The following IL1RAPL1 variants were observed in gnomAD, a reference collection of about 807,000 sequenced individuals.
The protein encoded by IL1RAPL1 is interleukin 1 receptor accessory protein like 1.
IL1RAPL1 carries 3 observed loss-of-function variants against 48.4 expected under a neutral mutation model. That is an observed-to-expected ratio of 0.06 (90% CI 0.03 to 0.16). The LOEUF (loss-of-function observed/expected upper bound fraction) is 0.16, where lower values mean the gene tolerates loss of function less well. IL1RAPL1 is among the 10% of genes least tolerant of loss of function. IL1RAPL1 has a pLI of 1.00. For missense variants in IL1RAPL1, 349 were observed against 530.6 expected (o/e 0.66, Z 3.36); for synonymous variants, 185 against 187.7 (o/e 0.99, Z 0.12).
intron 2 of IL1RAPL1, among the ~76,000 whole-genome samples, chrX:28,922,519 G>T (rs1031538531): frequency 9.0e-6 from 1 of 111,590 alleles, no homozygotes; most frequent in Non-Finnish European, 1.9e-5. Context: ...AAATCCTATG[G>T]TTTTTGACAG....
intron 1 of IL1RAPL1, among the ~76,000 whole-genome samples, chrX:28,726,684 CTT>C (rs1402633709): frequency 8.9e-6 from 1 of 112,089 alleles, no homozygotes; most frequent in African/African-American, 3.2e-5. Flanking sequence ...TATTAATTGA[CTT>C]ATATCATCCT....
At chrX:28,988,140 T>G (rs1358258846) in intron 2 of IL1RAPL1, among the ~76,000 whole-genome samples, 1 of 51,921 alleles carries the variant, frequency 1.9e-5, no homozygotes, top group Non-Finnish European at 3.9e-5. Flanking sequence ...ATGGGCTTGC[T>G]TTTTTTTTAA....
intron 1 of IL1RAPL1, among the ~76,000 whole-genome samples, chrX:28,739,387 T>C (rs1265161427): frequency 8.9e-6 from 1 of 111,851 alleles, no homozygotes; most frequent in Non-Finnish European, 1.9e-5. Flanking sequence ...GGCAGTGATC[T>C]CGCTGTCTTT....
At chrX:28,613,757 G>C (rs1934181163) in intron 1 of IL1RAPL1, among the ~76,000 whole-genome samples, 1 of 112,130 alleles carries the variant, frequency 8.9e-6, no homozygotes, top group Admixed American at 9.5e-5. Flanking sequence ...CCACGGGACA[G>C]AAGGCAGTTT....
At chrX:29,489,151 A>C (rs1602260183) in intron 5 of IL1RAPL1, among the ~76,000 whole-genome samples, 2 of 111,626 alleles carry the variant, frequency 1.8e-5, no homozygotes, top group South Asian at 3.8e-4. Flanking sequence ...TTGAGAACAC[A>C]GTGTATGTGA....
chrX:29,621,289 T>C (rs780916223), intron 5 of IL1RAPL1, among the ~76,000 whole-genome samples: 66 of 111,417 alleles, frequency 5.9e-4, no homozygotes, highest in African/African-American at 2.0e-3. Context: ...TACATGTGTA[T>C]ATATTTATAT....
intron 6 of IL1RAPL1, among the ~76,000 whole-genome samples, chrX:29,846,558 C>T (rs1169479806): frequency 9.1e-6 from 1 of 110,068 alleles, no homozygotes; most frequent in African/African-American, 3.3e-5. Context: ...AAATGAAGGG[C>T]TACTTTTTAA....
chrX:29,940,946 T>TAC (rs200126034), intron 8 of IL1RAPL1, among the ~76,000 whole-genome samples: 4,097 of 112,067 alleles, frequency 0.037, 66 homozygotes, highest in Non-Finnish European at 0.053. Flanking sequence ...GCCTACTTCT[T>TAC]ACACCCAAAA....
chrX:29,917,254 C>CA (rs923499215), intron 6 of IL1RAPL1, among the ~76,000 whole-genome samples: 9 of 112,385 alleles, frequency 8.0e-5, no homozygotes, highest in African/African-American at 2.9e-4. Context: ...GGAAATTTTA[C>CA]AAGTAACTCA....
At chrX:29,333,272 G>A (rs1282331358) in intron 3 of IL1RAPL1, among the ~76,000 whole-genome samples, 1 of 109,079 alleles carries the variant, frequency 9.2e-6, no homozygotes, top group Non-Finnish European at 1.9e-5. Flanking sequence ...CTGGCCGGGC[G>A]GGGGGCTGAC....
intron 5 of IL1RAPL1, among the ~76,000 whole-genome samples, chrX:29,423,128 T>G (rs1934310815): frequency 9.0e-6 from 1 of 111,554 alleles, no homozygotes; most frequent in African/African-American, 3.3e-5. Flanking sequence ...ATCCCTTATC[T>G]TAACCCAGAC....
intron 1 of IL1RAPL1, among the ~76,000 whole-genome samples, chrX:28,594,430 T>C (rs888652171): frequency 8.9e-6 from 1 of 112,091 alleles, no homozygotes; most frequent in Non-Finnish European, 1.9e-5. Flanking sequence ...AAAATAAAAA[T>C]GAATTATTAT....
At chrX:28,687,674 C>T (rs1168342384) in intron 1 of IL1RAPL1, among the ~76,000 whole-genome samples, 2 of 109,807 alleles carry the variant, frequency 1.8e-5, no homozygotes, top group Non-Finnish European at 3.8e-5. Context: ...CCCAGCTACT[C>T]GGTAGGCTGA....
chrX:29,576,001 A>G (rs144324651), intron 5 of IL1RAPL1, among the ~76,000 whole-genome samples: 120 of 112,275 alleles, frequency 1.1e-3, no homozygotes, highest in African/African-American at 3.6e-3. Context: ...TGAATGTTTA[A>G]TTAAATCTAC....
At chrX:29,559,435 G>T (rs1922112177) in intron 5 of IL1RAPL1, among the ~76,000 whole-genome samples, 1 of 111,815 alleles carries the variant, frequency 8.9e-6, no homozygotes, top group African/African-American at 3.2e-5. Context: ...GTAGAATTCC[G>T]CAGTGAAGCC....
intron 5 of IL1RAPL1, among the ~76,000 whole-genome samples, chrX:29,580,143 T>C (rs1212709141): frequency 2.7e-5 from 3 of 110,258 alleles, no homozygotes; most frequent in Non-Finnish European, 5.7e-5. Context: ...AGTCTTTTTT[T>C]TTTTTTTCAC....
chrX:29,568,064 A>G (rs1294009902), intron 5 of IL1RAPL1, among the ~76,000 whole-genome samples: 1 of 109,323 alleles, frequency 9.1e-6, no homozygotes, highest in Non-Finnish European at 1.9e-5. Flanking sequence ...AGCACTCAAC[A>G]ATTTTATGTT....
intron 2 of IL1RAPL1, among the ~76,000 whole-genome samples, chrX:29,100,735 A>G (rs935250739): frequency 3.6e-5 from 4 of 111,772 alleles, no homozygotes; most frequent in African/African-American, 1.3e-4. Flanking sequence ...TCAAATATCT[A>G]TTAGCCTTCT....
chrX:29,759,943 A>G (rs775588568), intron 6 of IL1RAPL1, among the ~76,000 whole-genome samples: 1 of 111,554 alleles, frequency 9.0e-6, no homozygotes, highest in Admixed American at 9.6e-5. Flanking sequence ...CTGTTTCTAG[A>G]CTTCTAGTTA....
Sources: gnomAD v4.1 joint callset for allele counts (sites outside exome capture counted in the v4.1 genomes callset) on GRCh38, gnomAD v4.1.1 for gene constraint, MANE v1.5 for transcripts, NCBI Gene and HGNC (gene_info 2026-07-23, HGNC 2026-07-21) for gene names.